The following SCLY variants were observed in gnomAD, a reference collection of about 807,000 sequenced individuals.
SCLY encodes the protein putative selenocysteine lyase.
In SCLY, 38 loss-of-function variants were observed where a neutral mutation model predicts 50.1. The observed-to-expected ratio is 0.76, with a 90% CI of 0.59 to 0.99. SCLY has a LOEUF of 0.99. SCLY is among the 50% of genes least tolerant of loss of function. The probability of loss-of-function intolerance (pLI) is 0.00; values close to 1 mark genes in which losing one functional copy is unlikely to be tolerated. For missense variants in SCLY, 600 were observed against 620.0 expected (o/e 0.97, Z 0.34); for synonymous variants, 243 against 249.4 (o/e 0.97, Z 0.24).
Position 238,067,721 on chromosome 2 carries a change from G to A in SCLY, c.203-344G>A, listed in dbSNP as rs1475669433. Among the ~76,000 whole-genome samples the A allele has an allele frequency of 1.3e-5, 2 of 152,220 alleles. No homozygotes were observed. Among genetic ancestry groups the A allele is most frequent in the Non-Finnish European group, 2.9e-5 (2 of 68,036 alleles). On this transcript the variant is annotated intron_variant, in intron 2 of 11. Transcript: ENST00000254663. The surrounding 1 kb of genome is among the most constrained non-coding windows in gnomAD (Gnocchi z 4.3). ...TTCATTCTCCTCTCTTGATGAATGG[G>A]AAGCAAGGCAGATGGCCACAGCTGC...
At chr2:238,082,250 A>G (rs1002290489) in intron 6 of SCLY, 41 bp downstream of exon 6, 1 of 1,537,862 alleles carries the variant, frequency 6.5e-7, no homozygotes, top group Non-Finnish European at 8.8e-7. Context: ...GGCAGAGCCT[A>G]CTGCGCAGGT....
intron 4 of SCLY, among the ~76,000 whole-genome samples, chr2:238,072,793 T>C (rs922246152): frequency 6.6e-6 from 1 of 152,244 alleles, no homozygotes; most frequent in African/African-American, 2.4e-5. Flanking sequence ...CCTTGTCAGA[T>C]AGATGATTTG....
intron 3 of SCLY, among the ~76,000 whole-genome samples, chr2:238,068,727 C>CA (rs2106437845): frequency 6.6e-6 from 1 of 152,352 alleles, no homozygotes; most frequent in South Asian, 2.1e-4. Context: ...GCCCTGGAAT[C>CA]AGTCCTTTTC....
intron 1 of SCLY, among the ~76,000 whole-genome samples, chr2:238,061,679 T>G (rs900274617): frequency 6.6e-6 from 1 of 151,908 alleles, no homozygotes; most frequent in South Asian, 2.1e-4. Flanking sequence ...GAGAGAGATG[T>G]GGTGTGCGCC....
chr2:238,071,269 C>T (rs1318412002), intron 4 of SCLY, among the ~76,000 whole-genome samples: 1 of 152,120 alleles, frequency 6.6e-6, no homozygotes, highest in East Asian at 1.9e-4. Flanking sequence ...AATGTATAGA[C>T]ATGCATGTGA....
intron 7 of SCLY, among the ~76,000 whole-genome samples, chr2:238,086,943 C>A (rs1464785266): frequency 1.3e-5 from 2 of 151,180 alleles, no homozygotes; most frequent in Admixed American, 1.3e-4. Flanking sequence ...CGCTTGAACC[C>A]GGGAGGCAGA....
intron 2 of SCLY, among the ~76,000 whole-genome samples, chr2:238,065,660 T>TTTATTTTTATTATTA (rs1553564088): frequency 6.3e-5 from 9 of 143,514 alleles, no homozygotes; most frequent in Middle Eastern, 3.3e-3. Flanking sequence ...AATATTTTAT[T>TTTATTTTTATTATTA]TTATTATTAT....
At chr2:238,084,690 C>T (rs987172493) in intron 7 of SCLY, among the ~76,000 whole-genome samples, 26 of 147,946 alleles carry the variant, frequency 1.8e-4, no homozygotes, top group Non-Finnish European at 1.9e-4. Context: ...GTCAGGAGAT[C>T]GAGACCATCC....
intron 11 of SCLY, 124 bp from the exon 12 acceptor site, chr2:238,098,078 C>T (rs2065458337): frequency 1.7e-6 from 2 of 1,150,316 alleles, no homozygotes; most frequent in Middle Eastern, 4.7e-4. Context: ...AGGTGGATGC[C>T]AGGCGAGGCA....
At chr2:238,098,105 G>A in intron 11 of SCLY, 97 bp from the exon 12 acceptor site, 1 of 1,433,668 alleles carries the variant, frequency 7.0e-7, no homozygotes. Context: ...CATCCGGGTG[G>A]GCAGAGCCCC....
At chr2:238,065,604 T>C (rs2065060890) in intron 2 of SCLY, among the ~76,000 whole-genome samples, 1 of 151,054 alleles carries the variant, frequency 6.6e-6, no homozygotes, top group Non-Finnish European at 1.5e-5. Flanking sequence ...AAAATCAATT[T>C]ATAGAGTGGT....
intron 4 of SCLY, among the ~76,000 whole-genome samples, chr2:238,071,626 A>G (rs963330071): frequency 2.0e-5 from 3 of 152,156 alleles, no homozygotes; most frequent in Admixed American, 1.3e-4. Flanking sequence ...CAAAAAAACA[A>G]AAGTCATTCT....
intron 4 of SCLY, chr2:238,073,760 CTCT>C (rs564153927): frequency 3.1e-4 from 145 of 467,334 alleles, no homozygotes; most frequent in Non-Finnish European, 6.0e-4. Context: ...AGATCAACCC[CTCT>C]TCTTCTTCCT....
rs59132224 is a variant in SCLY at position 238,075,047 on chromosome 2, T to C, written c.484+5570T>C. Among the ~76,000 whole-genome samples the C allele has an allele frequency of 3.5e-3, 527 of 152,266 alleles. 5 individuals are homozygous for C. The highest frequency in any genetic ancestry group is 0.012 in the African/African-American group (493 of 41,560). On this transcript the variant is annotated intron_variant, in intron 4 of 11. Coordinates refer to ENST00000254663, the MANE Select transcript of SCLY (RefSeq NM_016510.7). ...ATTTCATATAATGTTAGCTGTGGGTTTTTTATAGATGGCCTTTATCAGGAT... is the reference window on the plus strand; with the variant it reads ...ATTTCATATAATGTTAGCTGTGGGTCTTTTATAGATGGCCTTTATCAGGAT...
At position 238,089,426 on chromosome 2, in the gene SCLY, G is replaced by T. The variant is rs535634720; in HGVS notation, c.885-1792G>T. Among the ~76,000 whole-genome samples the T allele has an allele frequency of 1.2e-3, 179 of 152,176 alleles. 1 individual carries two copies. Among genetic ancestry groups the T allele is most frequent in the African/African-American group, 4.0e-3 (168 of 41,502 alleles). On this transcript the variant is annotated intron_variant, in intron 7 of 11. Coordinates refer to ENST00000254663, the MANE Select transcript of SCLY (RefSeq NM_016510.7). ...ATGAGTTACGGGTGCAGATACAACCGCAGGAGACGCAAATCAGTTCAGCAG... is the reference window on the plus strand; with the variant it reads ...ATGAGTTACGGGTGCAGATACAACCTCAGGAGACGCAAATCAGTTCAGCAG...
chr2:238,077,948 A>G (rs1052061778), intron 4 of SCLY, among the ~76,000 whole-genome samples: 1 of 134,044 alleles, frequency 7.5e-6, no homozygotes, highest in African/African-American at 3.0e-5. Flanking sequence ...TCTCCTGTAG[A>G]TTCTCTTTTT....
chr2:238,094,140 C>T (rs2065399824), intron 9 of SCLY, 196 bp downstream of exon 9: 1 of 630,576 alleles, frequency 1.6e-6, no homozygotes, highest in Non-Finnish European at 2.8e-6. Flanking sequence ...AAGCAGGACC[C>T]TAGGCCAGGG....
chr2:238,079,606 A>G (rs1033135103), intron 4 of SCLY: 1 of 152,214 alleles, frequency 6.6e-6, no homozygotes, highest in Non-Finnish European at 1.5e-5. Context: ...GTTATTTTAT[A>G]CAGTTGCTTT....
intron 7 of SCLY, among the ~76,000 whole-genome samples, chr2:238,085,258 A>G (rs1355293475): frequency 6.6e-6 from 1 of 152,224 alleles, no homozygotes; most frequent in Non-Finnish European, 1.5e-5. Context: ...GAGAAGGACA[A>G]CATAAAAGAA....
Sources: allele counts gnomAD v4.1 joint callset (sites outside exome capture counted in the v4.1 genomes callset), GRCh38; gene constraint gnomAD v4.1.1; non-coding constraint Gnocchi (gnomAD v3.1); transcripts MANE v1.5; gene names NCBI Gene and HGNC (gene_info 2026-07-23, HGNC 2026-07-21).